Variants in FAM135A observed in about 807,000 individuals in gnomAD.
FAM135A encodes protein FAM135A.
Under a neutral mutation model 146.8 loss-of-function variants are expected in FAM135A, and 79 were observed. The observed-to-expected ratio is 0.54, with a 90% CI of 0.45 to 0.65. The LOEUF is 0.65. Among genes scored for constraint, FAM135A ranks in the 30% least tolerant of loss-of-function variants. The probability of loss-of-function intolerance (pLI) is 0.00; values close to 1 mark genes in which losing one functional copy is unlikely to be tolerated. For missense variants in FAM135A, 1,623 were observed against 1,758.2 expected, an observed-to-expected ratio of 0.92 and a Z score of 1.38; for synonymous variants, 562 against 603.6, an observed-to-expected ratio of 0.93 and a Z score of 1.01.
At chr6:70,536,083 C>T (rs1319429892) in intron 18 of FAM135A, 177 bp from the exon 19 acceptor site, 2 of 536,314 alleles carry the variant, frequency 3.7e-6, no homozygotes, top group East Asian at 3.2e-5. Context: ...ATCTTCTATA[C>T]ATTCTCACAT....
chr6:70,559,121 G>A (rs1473856651), intron 21 of FAM135A, among the ~76,000 whole-genome samples: 1 of 152,118 alleles, frequency 6.6e-6, no homozygotes. Flanking sequence ...CTATTTCTTT[G>A]TTATAGGCAT....
chr6:70,445,501 T>A (rs1479676572), intron 4 of FAM135A, among the ~76,000 whole-genome samples: 1 of 152,182 alleles, frequency 6.6e-6, no homozygotes, highest in South Asian at 2.1e-4. Context: ...TACCCACGTA[T>A]TTATTAACAG....
At chr6:70,552,280 C>T (rs188116272) in intron 20 of FAM135A, among the ~76,000 whole-genome samples, 2 of 151,934 alleles carry the variant, frequency 1.3e-5, no homozygotes, top group Admixed American at 1.3e-4. Context: ...TACAATTGAG[C>T]CTGGTTTCTG....
At chr6:70,541,084 A>C (rs1387490294) in intron 20 of FAM135A, among the ~76,000 whole-genome samples, 1 of 152,248 alleles carries the variant, frequency 6.6e-6, no homozygotes, top group Non-Finnish European at 1.5e-5. Flanking sequence ...CTGTTCAAGA[A>C]TAATTACCCT....
chr6:70,455,181 C>G (rs1362043224), intron 5 of FAM135A, among the ~76,000 whole-genome samples: 1 of 152,080 alleles, frequency 6.6e-6, no homozygotes, highest in Admixed American at 6.6e-5. Flanking sequence ...ATTTTATTCT[C>G]TTTGAAGCAA....
chr6:70,417,690 A>T, intron 2 of FAM135A: 1 of 900,906 alleles, frequency 1.1e-6, no homozygotes, highest in Non-Finnish European at 1.3e-6. Flanking sequence ...TTGCTCTTTG[A>T]TGTCTTCAGA....
chr6:70,489,274 TAGA>T (rs1369423829), intron 10 of FAM135A, among the ~76,000 whole-genome samples: 2 of 152,204 alleles, frequency 1.3e-5, no homozygotes, highest in Admixed American at 1.3e-4. Context: ...AGCCCAATAT[TAGA>T]AGCCACTGGT....
intron 10 of FAM135A, chr6:70,486,162 A>C (rs1317800975): frequency 6.2e-7 from 1 of 1,613,430 alleles, no homozygotes; most frequent in Non-Finnish European, 8.5e-7. Context: ...AATCCTTATG[A>C]CTAGCCAAGG....
chr6:70,494,509 A>G (rs368186595), intron 11 of FAM135A, among the ~76,000 whole-genome samples: 1 of 152,086 alleles, frequency 6.6e-6, no homozygotes, highest in African/African-American at 2.4e-5. Flanking sequence ...TTAAAAAAAG[A>G]AAAGAAAAAT....
chr6:70,472,570 G>A (rs1480054657), intron 5 of FAM135A, among the ~76,000 whole-genome samples: 3 of 152,138 alleles, frequency 2.0e-5, no homozygotes, highest in South Asian at 4.2e-4. Context: ...CGTTACTGTC[G>A]TCTTATCCAT....
At chr6:70,448,058 A>C (rs773833353) in intron 4 of FAM135A, among the ~76,000 whole-genome samples, 1 of 152,170 alleles carries the variant, frequency 6.6e-6, no homozygotes, top group Non-Finnish European at 1.5e-5. Context: ...GGAACTGCCA[A>C]GCCTCTAAAT....
chr6:70,492,592 C>T (rs1786250326), intron 11 of FAM135A, among the ~76,000 whole-genome samples: 1 of 149,970 alleles, frequency 6.7e-6, no homozygotes, highest in South Asian at 2.1e-4. Context: ...TTAAAACAGG[C>T]TAATGGTCAG....
chr6:70,514,091 T>C (rs1287246358), intron 12 of FAM135A, among the ~76,000 whole-genome samples: 1 of 152,062 alleles, frequency 6.6e-6, no homozygotes, highest in East Asian at 1.9e-4. Flanking sequence ...TCTTCAGATA[T>C]ATTTTCTGCC....
chr6:70,520,285 T>C (rs185953045), intron 12 of FAM135A, among the ~76,000 whole-genome samples: 63 of 151,890 alleles, frequency 4.1e-4, no homozygotes, highest in African/African-American at 1.5e-3. Context: ...TATGATAATT[T>C]TGCTATGAGT....
At chr6:70,544,849 G>A (rs893408448) in intron 20 of FAM135A, among the ~76,000 whole-genome samples, 2 of 150,738 alleles carry the variant, frequency 1.3e-5, no homozygotes, top group Admixed American at 6.6e-5. Context: ...AAAGGAGTTC[G>A]AGACCAGCCT....
At chr6:70,536,188 T>C (rs1796759211) in intron 18 of FAM135A, 72 bp from the exon 19 acceptor site, 4 of 1,404,826 alleles carry the variant, frequency 2.8e-6, no homozygotes, top group Non-Finnish European at 3.8e-6. Context: ...ATCCATTTTA[T>C]AGTGGATCAG....
chr6:70,524,166 T>G, intron 14 of FAM135A, 45 bp downstream of exon 14: 1 of 1,535,848 alleles, frequency 6.5e-7, no homozygotes, highest in Non-Finnish European at 8.8e-7. Flanking sequence ...TGTATAGTTT[T>G]CAGTATATTC....
chr6:70,446,772 G>A (rs747685595), intron 4 of FAM135A, among the ~76,000 whole-genome samples: 5 of 152,226 alleles, frequency 3.3e-5, no homozygotes, highest in East Asian at 1.9e-4. Flanking sequence ...GGTGATCACC[G>A]CTCTCATAAC....
At chr6:70,447,702 A>G (rs1776093598) in intron 4 of FAM135A, among the ~76,000 whole-genome samples, 2 of 152,292 alleles carry the variant, frequency 1.3e-5, no homozygotes, top group South Asian at 2.1e-4. Flanking sequence ...CCATCGTGAC[A>G]CTGATTAGCC....
Sources: gnomAD v4.1 joint callset for allele counts (sites outside exome capture counted in the v4.1 genomes callset) on GRCh38, gnomAD v4.1.1 for gene constraint, MANE v1.5 for transcripts, NCBI Gene and HGNC (gene_info 2026-07-23, HGNC 2026-07-21) for gene names.